The following MBNL2 variants were observed in gnomAD, a reference collection of about 807,000 sequenced individuals.
MBNL2 encodes the protein muscleblind like splicing regulator 2.
In MBNL2, 17 loss-of-function variants were observed where a neutral mutation model predicts 41.9. The ratio of observed to expected loss-of-function variants is 0.41; its 90% CI spans 0.28 to 0.61. The LOEUF is 0.61. Among genes scored for constraint, MBNL2 ranks in the 20% least tolerant of loss-of-function variants. The pLI, the probability that MBNL2 is intolerant of heterozygous loss-of-function variation, is 0.35. For missense variants in MBNL2, 336 were observed against 505.6 expected (o/e 0.66, Z 3.22); for synonymous variants, 195 against 182.9 (o/e 1.07, Z -0.53).
chr13:97,163,688 C>T, the MBNL2 span, among the ~76,000 whole-genome samples: 18 of 152,286 alleles, frequency 1.2e-4, no homozygotes, highest in Middle Eastern at 3.4e-3. Context: ...CTCGCTCACA[C>T]GGCAGAGGCT....
chr13:97,314,889 A>C (rs1202077030), intron 2 of MBNL2, among the ~76,000 whole-genome samples: 1 of 152,148 alleles, frequency 6.6e-6, no homozygotes, highest in Admixed American at 6.5e-5. Flanking sequence ...AAGCTGTTCA[A>C]CTCTGGCCTT....
At chr13:97,240,640 CA>C (rs1467571459) in intron 1 of MBNL2, among the ~76,000 whole-genome samples, 1 of 152,076 alleles carries the variant, frequency 6.6e-6, no homozygotes, top group African/African-American at 2.4e-5. Context: ...TAGCAAAATG[CA>C]AGAAGGCTTT....
At chr13:97,262,166 A>G (rs1160910678) in intron 1 of MBNL2, among the ~76,000 whole-genome samples, 22 of 152,192 alleles carry the variant, frequency 1.4e-4, no homozygotes, top group Admixed American at 1.4e-3. Context: ...TTCAGAGCAG[A>G]GAGTGCAATC....
the MBNL2 span, among the ~76,000 whole-genome samples, chr13:97,141,947 C>G: frequency 6.6e-6 from 1 of 152,142 alleles, no homozygotes; most frequent in African/African-American, 2.4e-5. Flanking sequence ...TTCTCCTTGG[C>G]TATAGCTCAG....
chr13:97,180,604 T>C, the MBNL2 span, among the ~76,000 whole-genome samples: 1 of 151,654 alleles, frequency 6.6e-6, no homozygotes, highest in Non-Finnish European at 1.5e-5. Context: ...GTGTGGTGCA[T>C]GGTGGTGCAC....
chr13:97,334,591 G>C lies in MBNL2; in HGVS notation c.339+151G>C. On this transcript the variant is annotated intron_variant, in intron 3 of 8. Coordinates refer to ENST00000679496, the MANE Select transcript of MBNL2 (RefSeq NM_001382683.1). This position sits in a 1 kb window ranked among gnomAD's most constrained non-coding sequence, Gnocchi z 5.3. ...AAGCTCAATAGATGAAGGAAAATAG[G>C]CTTTTAAAAAAATTAATAGAAAAAT... The C allele has an allele frequency of 2.2e-6, 1 of 464,916 alleles. No individual in the cohort carries two copies. Among genetic ancestry groups the C allele is most frequent in the Non-Finnish European group, 3.7e-6 (1 of 270,242 alleles). 28.8% of individuals were successfully genotyped at this position (464,916 alleles called of 1,614,324 possible). A position where few individuals can be genotyped will look rare whatever the true frequency, so the allele number is the denominator to read the frequency against.
At chr13:97,197,796 G>T in the MBNL2 span, among the ~76,000 whole-genome samples, 1 of 152,138 alleles carries the variant, frequency 6.6e-6, no homozygotes, top group Non-Finnish European at 1.5e-5. Context: ...AACAGTTAAG[G>T]TTATTAACTA....
intron 1 of MBNL2, among the ~76,000 whole-genome samples, chr13:97,274,543 ACTTATTT>A (rs886820053): frequency 2.0e-5 from 3 of 152,140 alleles, no homozygotes; most frequent in Admixed American, 6.6e-5. Context: ...TGCTCTCTGA[ACTTATTT>A]GTTACCTGCC....
chr13:97,230,277 G>A (rs1594063114), intron 1 of MBNL2, among the ~76,000 whole-genome samples: 1 of 152,174 alleles, frequency 6.6e-6, no homozygotes, highest in African/African-American at 2.4e-5. Context: ...ATTCTAGGAG[G>A]AGTGATATCA....
Position 97,346,783 on chromosome 13 carries a change from G to A in MBNL2, c.541-21G>A, listed in dbSNP as rs751998254. 9 of 1,611,128 alleles carry A rather than the reference G, an allele frequency of 5.6e-6. No homozygotes were observed. Among genetic ancestry groups the A allele is most frequent in the African/African-American group, 2.7e-5 (2 of 74,870 alleles). On this transcript the variant is annotated intron_variant, in intron 4 of 8. Coordinates refer to ENST00000679496, the MANE Select transcript of MBNL2 (RefSeq NM_001382683.1). This position sits in a 1 kb window ranked among gnomAD's most constrained non-coding sequence, Gnocchi z 4.2. ...GGGCTCAGGCTTGCCTCTGCAGCGC[G>A]GCTCTTCTTCCCTGTCTTAGGTATG...
At chr13:97,232,721 A>T (rs1379924576) in intron 1 of MBNL2, among the ~76,000 whole-genome samples, 1 of 152,160 alleles carries the variant, frequency 6.6e-6, no homozygotes, top group East Asian at 1.9e-4. Flanking sequence ...CATACTGTGC[A>T]GGCATGAGTT....
the MBNL2 span, among the ~76,000 whole-genome samples, chr13:97,194,839 G>C: frequency 6.6e-6 from 1 of 152,148 alleles, no homozygotes; most frequent in Non-Finnish European, 1.5e-5. Context: ...GGCAATGCCC[G>C]GAAGTTAACT....
intron 2 of MBNL2, among the ~76,000 whole-genome samples, chr13:97,312,130 A>G (rs1398768203): frequency 6.6e-6 from 1 of 152,222 alleles, no homozygotes; most frequent in African/African-American, 2.4e-5. Flanking sequence ...CTTGAAAAAC[A>G]GATTCATATA....
chr13:97,271,678 C>T (rs7333604), intron 1 of MBNL2, among the ~76,000 whole-genome samples: 1 of 151,796 alleles, frequency 6.6e-6, no homozygotes, highest in Non-Finnish European at 1.5e-5. Flanking sequence ...GAGAACATGC[C>T]GTATTTGGTT....
Position 97,386,484 on chromosome 13 carries a change from T to G in MBNL2, c.1049-4838T>G, listed in dbSNP as rs534378988. 2.0e-5 allele frequency among the ~76,000 whole-genome samples: 3 copies of G among 152,352 alleles called. No homozygotes were observed. In the South Asian group the frequency reaches 6.2e-4, roughly 32 times the overall value. ...AGTGGCTGTTGCCACACCCTCGACC[T>G]GGCCTATTCACTTACATATCTTTCC... On this transcript the variant is annotated intron_variant, in intron 8 of 8. Coordinates refer to ENST00000679496, the MANE Select transcript of MBNL2 (RefSeq NM_001382683.1).
At chr13:97,352,194 G>C (rs2062560711) in intron 5 of MBNL2, among the ~76,000 whole-genome samples, 1 of 128,280 alleles carries the variant, frequency 7.8e-6, no homozygotes, top group Non-Finnish European at 1.5e-5. Flanking sequence ...ATGTTCACTG[G>C]AGTAGCACTT....
Position 97,262,029 on chromosome 13 carries a change from G to C in MBNL2, c.-604-13603G>C, listed in dbSNP as rs563338577. Among the ~76,000 whole-genome samples the C allele has an allele frequency of 3.3e-5, 5 of 152,336 alleles. No homozygotes were observed. The South Asian group carries it at 8.3e-4, about 25-fold the overall frequency. On this transcript the variant is annotated intron_variant, in intron 1 of 8. Coordinates refer to ENST00000679496, the MANE Select transcript of MBNL2 (RefSeq NM_001382683.1). ...TGAAAGAAACGTGGGAAGGGTCAGG[G>C]GAGAAGCAGGTGGTCTCCCACCCTC...
intron 7 of MBNL2, among the ~76,000 whole-genome samples, chr13:97,358,211 A>G (rs2063138763): frequency 6.6e-6 from 1 of 152,214 alleles, no homozygotes; most frequent in Non-Finnish European, 1.5e-5. Flanking sequence ...TGCATTAACT[A>G]TGATTCCACT....
At position 97,334,721 on chromosome 13, in the gene MBNL2, C is replaced by A. The variant is rs530644092; in HGVS notation, c.339+281C>A. Reference sequence around the variant, plus strand: ...ACTCTCTATCTCAGCCATCTTAGAACGGAAATAGTTTTAACATGTTCATTT... The same window carrying A: ...ACTCTCTATCTCAGCCATCTTAGAAAGGAAATAGTTTTAACATGTTCATTT... On this transcript the variant is annotated intron_variant, in intron 3 of 8. Coordinates refer to ENST00000679496, the MANE Select transcript of MBNL2 (RefSeq NM_001382683.1). The surrounding 1 kb of genome is among the most constrained non-coding windows in gnomAD (Gnocchi z 5.3). 6.6e-6 allele frequency among the ~76,000 whole-genome samples: 1 copy of A among 152,100 alleles called. No homozygotes were observed. The highest frequency in any genetic ancestry group is 1.5e-5 in the Non-Finnish European group (1 of 68,026).
Sources: allele counts gnomAD v4.1 joint callset (sites outside exome capture counted in the v4.1 genomes callset), GRCh38; gene constraint gnomAD v4.1.1; non-coding constraint Gnocchi (gnomAD v3.1); transcripts MANE v1.5; gene names NCBI Gene and HGNC (gene_info 2026-07-23, HGNC 2026-07-21).